Variants in PLCB1 observed in about 807,000 individuals in gnomAD.
PLCB1 encodes 1-phosphatidylinositol 4,5-bisphosphate phosphodiesterase beta-1.
PLCB1 carries 46 observed loss-of-function variants against 161.8 expected under a neutral mutation model. That is an observed-to-expected ratio of 0.28 (90% confidence interval 0.22 to 0.36). The LOEUF is 0.36. Among genes scored for constraint, PLCB1 ranks in the 10% least tolerant of loss-of-function variants. PLCB1 has a pLI of 1.00. For synonymous variants in PLCB1, 517 were observed against 503.7 expected (o/e 1.03, Z -0.35); for missense variants, 1,016 against 1,472.5 (o/e 0.69, Z 5.07).
intron 4 of PLCB1, among the ~76,000 whole-genome samples, chr20:8,632,035 CTTTT>C (rs34028351): frequency 4.0e-3 from 185 of 45,974 alleles, no homozygotes; most frequent in African/African-American, 0.016. Context: ...GTTTTTTTTG[CTTTT>C]TTTTTTTTTT....
Position 8,188,764 on chromosome 20 carries a change from T to G in PLCB1, c.177+38393T>G, listed in dbSNP as rs151220493. Among the ~76,000 whole-genome samples, 13 of 152,276 alleles carry G rather than the reference T, an allele frequency of 8.5e-5. No individual in the cohort carries two copies. The East Asian group carries it at 2.1e-3, about 25-fold the overall frequency. ...ATTCTTAGCCAATTTTGTTAGGGTCTTATAAAATGTGCTAAAGAGTCAAAC... is the reference window on the plus strand; with the variant it reads ...ATTCTTAGCCAATTTTGTTAGGGTCGTATAAAATGTGCTAAAGAGTCAAAC... On this transcript the variant is annotated intron_variant, in intron 2 of 31. Coordinates refer to ENST00000338037, the MANE Select transcript of PLCB1 (RefSeq NM_015192.4).
At chr20:8,863,579 A>C (rs1224287034) in intron 31 of PLCB1, among the ~76,000 whole-genome samples, 1 of 152,222 alleles carries the variant, frequency 6.6e-6, no homozygotes, top group Non-Finnish European at 1.5e-5. Flanking sequence ...TCCCAGATGA[A>C]GCTGATGCTG....
At chr20:8,870,680 G>A (rs773693737) in intron 31 of PLCB1, among the ~76,000 whole-genome samples, 2 of 152,088 alleles carry the variant, frequency 1.3e-5, no homozygotes, top group Non-Finnish European at 2.9e-5. Context: ...TTAGTATTTT[G>A]CCTACCTCGT....
chr20:8,835,065 T>C (rs912309365), intron 31 of PLCB1, among the ~76,000 whole-genome samples: 2 of 152,162 alleles, frequency 1.3e-5, no homozygotes, highest in Admixed American at 1.3e-4. Context: ...AGAATAATGA[T>C]TGACCAAATA....
chr20:8,732,430 C>T (rs1349246743), intron 18 of PLCB1, among the ~76,000 whole-genome samples: 1 of 151,542 alleles, frequency 6.6e-6, no homozygotes, highest in African/African-American at 2.4e-5. Flanking sequence ...TCAAAGATTT[C>T]ACCACAATGA....
intron 3 of PLCB1, among the ~76,000 whole-genome samples, chr20:8,585,227 T>C (rs1459053630): frequency 6.6e-6 from 1 of 152,072 alleles, no homozygotes. Flanking sequence ...CTGAACTAGG[T>C]CTTTTCAGAC....
At chr20:8,396,916 G>A (rs1032713136) in intron 3 of PLCB1, among the ~76,000 whole-genome samples, 5 of 151,874 alleles carry the variant, frequency 3.3e-5, no homozygotes. Context: ...ATTTACTTTT[G>A]AGTAGACAAT....
At chr20:8,301,408 C>T (rs1246813494) in intron 2 of PLCB1, among the ~76,000 whole-genome samples, 2 of 152,146 alleles carry the variant, frequency 1.3e-5, no homozygotes, top group South Asian at 2.1e-4. Flanking sequence ...ATAATACTTT[C>T]TTTTTCTAGC....
chr20:8,315,448 AAG>A (rs1984600716), intron 2 of PLCB1, among the ~76,000 whole-genome samples: 3 of 152,186 alleles, frequency 2.0e-5, no homozygotes, highest in Admixed American at 6.5e-5. Flanking sequence ...ACACATTTTG[AAG>A]AGTCACCATA....
chr20:8,543,106 G>A (rs1256800421), intron 3 of PLCB1, among the ~76,000 whole-genome samples: 1 of 152,016 alleles, frequency 6.6e-6, no homozygotes, highest in Non-Finnish European at 1.5e-5. Context: ...AGAATCTCAG[G>A]CCCCACCCCA....
chr20:8,662,011 TTATA>T (rs752453741), intron 9 of PLCB1, among the ~76,000 whole-genome samples: 6,618 of 93,056 alleles, frequency 0.071, 449 homozygotes, highest in East Asian at 0.12. Flanking sequence ...TATTATATAA[TTATA>T]TATAATATAC....
chr20:8,518,778 T>C (rs1224938686), intron 3 of PLCB1, among the ~76,000 whole-genome samples: 1 of 152,060 alleles, frequency 6.6e-6, no homozygotes, highest in Non-Finnish European at 1.5e-5. Flanking sequence ...TATAATGAAA[T>C]ACTTATACAA....
At chr20:8,136,355 G>A (rs1469732204) in intron 1 of PLCB1, among the ~76,000 whole-genome samples, 2 of 152,144 alleles carry the variant, frequency 1.3e-5, no homozygotes, top group African/African-American at 2.4e-5. Flanking sequence ...GGCCGGGCGC[G>A]GTGGCTCAAG....
chr20:8,635,299 G>GAAAGGAAAAGGA (rs563544029), intron 4 of PLCB1, among the ~76,000 whole-genome samples: 12 of 152,106 alleles, frequency 7.9e-5, no homozygotes, highest in Non-Finnish European at 1.3e-4. Flanking sequence ...AAGGAGAAGG[G>GAAAGGAAAAGGA]AAAGGAAAAG....
chr20:8,241,227 T>A (rs56350353), intron 2 of PLCB1, among the ~76,000 whole-genome samples: 1,676 of 152,152 alleles, frequency 0.011, 31 homozygotes, highest in African/African-American at 0.038. Context: ...AGTAATCTAC[T>A]TGAAAAATTA....
intron 2 of PLCB1, among the ~76,000 whole-genome samples, chr20:8,345,963 G>A (rs1232237678): frequency 2.0e-5 from 3 of 152,200 alleles, no homozygotes; most frequent in African/African-American, 7.2e-5. Context: ...CTGCTTTGAA[G>A]GGTCCAGTGA....
At chr20:8,432,654 C>A (rs1980102004) in intron 3 of PLCB1, among the ~76,000 whole-genome samples, 1 of 152,160 alleles carries the variant, frequency 6.6e-6, no homozygotes, top group South Asian at 2.1e-4. Context: ...CAGTGTTTTT[C>A]ATTCCCATGT....
At chr20:8,642,705 G>A (rs186582602) in intron 4 of PLCB1, among the ~76,000 whole-genome samples, 3 of 152,276 alleles carry the variant, frequency 2.0e-5, no homozygotes, top group Admixed American at 1.3e-4. Context: ...AATAGAGGAC[G>A]AGATAAATAG....
intron 9 of PLCB1, among the ~76,000 whole-genome samples, chr20:8,683,173 G>A (rs1257550602): frequency 6.6e-6 from 1 of 151,758 alleles, no homozygotes; most frequent in Non-Finnish European, 1.5e-5. Context: ...ATAATTATAT[G>A]TATGTGTGTA....
Sources: gnomAD v4.1 joint callset for allele counts (sites outside exome capture counted in the v4.1 genomes callset) on GRCh38, gnomAD v4.1.1 for gene constraint, MANE v1.5 for transcripts, NCBI Gene and HGNC (gene_info 2026-07-23, HGNC 2026-07-21) for gene names.